Variants in OSBPL8 observed in about 807,000 individuals in gnomAD.
OSBPL8 encodes the protein oxysterol-binding protein-related protein 8.
In OSBPL8, 59 loss-of-function variants were observed where a neutral mutation model predicts 125.5. The observed-to-expected ratio is 0.47, with a 90% CI of 0.38 to 0.58. The LOEUF is 0.58. Among genes scored for constraint, OSBPL8 ranks in the 20% least tolerant of loss-of-function variants. The probability of loss-of-function intolerance (pLI) is 0.00; values close to 1 mark genes in which losing one functional copy is unlikely to be tolerated. For missense variants in OSBPL8, 758 were observed against 1,047.8 expected (o/e 0.72, Z 3.82); for synonymous variants, 330 against 338.9 (o/e 0.97, Z 0.29).
intron 1 of OSBPL8, among the ~76,000 whole-genome samples, chr12:76,528,647 A>G (rs1950246007): frequency 6.6e-6 from 1 of 152,038 alleles, no homozygotes; most frequent in African/African-American, 2.4e-5. Context: ...TCACAAGCCA[A>G]AGAAGATAAG....
intron 16 of OSBPL8, among the ~76,000 whole-genome samples, chr12:76,378,081 A>G (rs1952897845): frequency 6.6e-6 from 1 of 152,236 alleles, no homozygotes. Flanking sequence ...ATTAAAAAAT[A>G]GTAAATTAAA....
intron 1 of OSBPL8, among the ~76,000 whole-genome samples, chr12:76,508,391 A>T (rs1880637959): frequency 6.6e-6 from 1 of 152,180 alleles, no homozygotes; most frequent in Non-Finnish European, 1.5e-5. Flanking sequence ...TGGTCTCATT[A>T]AGATTTACTA....
intron 2 of OSBPL8, among the ~76,000 whole-genome samples, chr12:76,474,385 T>A (rs911290699): frequency 4.6e-5 from 7 of 152,026 alleles, no homozygotes; most frequent in African/African-American, 1.7e-4. Context: ...AGAGCAAGCT[T>A]GGGATGGGGG....
At chr12:76,441,225 T>C (rs1872145286) in intron 4 of OSBPL8, among the ~76,000 whole-genome samples, 1 of 152,084 alleles carries the variant, frequency 6.6e-6, no homozygotes, top group Admixed American at 6.6e-5. Context: ...ACTCGGAAAA[T>C]ACTGAATTCC....
rs1329490947 is a variant in OSBPL8 at position 76,351,840 on chromosome 12, G to T, written c.*4049C>A. 1 of 152,192 alleles carries T rather than the reference G, an allele frequency of 6.6e-6. No individual in the cohort carries two copies. Among genetic ancestry groups the T allele is most frequent in the African/African-American group, 2.4e-5 (1 of 41,448 alleles). 9.4% of individuals were successfully genotyped at this position (152,192 alleles called of 1,614,324 possible). On this transcript the variant is annotated 3_prime_UTR_variant, in exon 24 of 24. Transcript: ENST00000261183. ...TTTATTTAGAAGCCTACTTGTAGAA[G>T]TTAGCATAATTTTACAGATTATTAG... is the stretch of plus-strand genomic sequence containing the variant.
intron 12 of OSBPL8, 59 bp from the exon 13 acceptor site, chr12:76,386,719 A>T: frequency 8.3e-7 from 1 of 1,202,968 alleles, no homozygotes; most frequent in Non-Finnish European, 1.2e-6. Context: ...TCTCTCTCAC[A>T]TTTATTAACC....
In OSBPL8 at chr12:76,491,325, CCTCT is replaced by C. The variant is rs199839249; in HGVS notation, c.-67-3711_-67-3708del. 5.9e-3 allele frequency among the ~76,000 whole-genome samples: 893 copies of C among 152,262 alleles called. 4 individuals carry two copies. The highest frequency in any genetic ancestry group is 0.019 in the African/African-American group (795 of 41,538). On this transcript the variant is annotated intron_variant, in intron 1 of 23. Coordinates refer to ENST00000261183, the MANE Select transcript of OSBPL8 (RefSeq NM_020841.5). ...ATAAATATTCAGAGGTCTCGGATAA[CCTCT>C]CTAACAATTATTCCTTCAAACAGAT...
intron 19 of OSBPL8, among the ~76,000 whole-genome samples, chr12:76,371,020 G>A (rs1403478322): frequency 6.6e-6 from 1 of 152,092 alleles, no homozygotes; most frequent in Admixed American, 6.6e-5. Context: ...TCCTATAGAA[G>A]CCAGTCCATC....
intron 1 of OSBPL8, among the ~76,000 whole-genome samples, chr12:76,497,342 A>G (rs1219411076): frequency 6.6e-6 from 1 of 152,226 alleles, no homozygotes; most frequent in Non-Finnish European, 1.5e-5. Flanking sequence ...TGAGTCTGAT[A>G]AACTGTATTT....
At chr12:76,483,753 C>A (rs890208868) in intron 2 of OSBPL8, among the ~76,000 whole-genome samples, 1 of 133,470 alleles carries the variant, frequency 7.5e-6, no homozygotes, top group African/African-American at 2.8e-5. Flanking sequence ...CAGCTCACTG[C>A]AACTTCAGCC....
intron 4 of OSBPL8, among the ~76,000 whole-genome samples, chr12:76,428,213 C>T (rs1870387925): frequency 6.6e-6 from 1 of 151,886 alleles, no homozygotes; most frequent in South Asian, 2.1e-4. Flanking sequence ...AAATGGTAGA[C>T]AAACAGAGGC....
chr12:76,419,222 C>A (rs1353441731), intron 4 of OSBPL8, among the ~76,000 whole-genome samples: 1 of 151,696 alleles, frequency 6.6e-6, no homozygotes, highest in African/African-American at 2.4e-5. Context: ...GGAGACAGAG[C>A]GAGACTCCAT....
chr12:76,516,801 C>T (rs574755956), intron 1 of OSBPL8, among the ~76,000 whole-genome samples: 34 of 149,914 alleles, frequency 2.3e-4, no homozygotes, highest in Non-Finnish European at 4.4e-4. Context: ...CCATTTCTTT[C>T]CTTTTCTTTT....
At chr12:76,440,248 G>C (rs1020972479) in intron 4 of OSBPL8, among the ~76,000 whole-genome samples, 17 of 152,080 alleles carry the variant, frequency 1.1e-4, no homozygotes, top group Non-Finnish European at 2.5e-4. Context: ...CAGCTGCACA[G>C]TAGGTACCTC....
intron 3 of OSBPL8, among the ~76,000 whole-genome samples, chr12:76,452,868 T>C (rs1310013647): frequency 6.6e-6 from 1 of 152,200 alleles, no homozygotes; most frequent in Non-Finnish European, 1.5e-5. Flanking sequence ...GGAATATTCC[T>C]ACCCCAGATC....
intron 1 of OSBPL8, 77 bp from the exon 2 acceptor site, chr12:76,487,695 A>G: frequency 1.9e-6 from 1 of 520,072 alleles, no homozygotes; most frequent in African/African-American, 2.0e-5. Flanking sequence ...AGTTTGTTAG[A>G]AGGGAAAAAT....
chr12:76,452,130 C>T (rs937453139), intron 3 of OSBPL8, among the ~76,000 whole-genome samples: 5 of 151,922 alleles, frequency 3.3e-5, no homozygotes, highest in African/African-American at 7.2e-5. Flanking sequence ...AAAAAAAAGA[C>T]GGTTTAGTCT....
intron 1 of OSBPL8, among the ~76,000 whole-genome samples, chr12:76,552,157 G>A (rs895520434): frequency 3.9e-5 from 6 of 152,054 alleles, no homozygotes; most frequent in Non-Finnish European, 8.8e-5. Context: ...AGGCACAGTG[G>A]CTCACACCTG....
At position 76,405,495 on chromosome 12, in the gene OSBPL8, T is replaced by C. The variant is rs548441921; in HGVS notation, c.289-2729A>G. Among the ~76,000 whole-genome samples, 4 of 152,210 alleles carry C rather than the reference T, an allele frequency of 2.6e-5. No individual in the cohort carries two copies. The East Asian group carries it at 5.8e-4, about 22-fold the overall frequency. On this transcript the variant is annotated intron_variant, in intron 5 of 23. Coordinates refer to ENST00000261183, the MANE Select transcript of OSBPL8 (RefSeq NM_020841.5). ...AATTTGTTTCCCTAACAATTCTATATGATAAGCTCTAGCGTGGTTATTCCT... is the reference window on the plus strand; with the variant it reads ...AATTTGTTTCCCTAACAATTCTATACGATAAGCTCTAGCGTGGTTATTCCT...
Sources: allele counts gnomAD v4.1 joint callset (sites outside exome capture counted in the v4.1 genomes callset), GRCh38; gene constraint gnomAD v4.1.1; transcripts MANE v1.5; gene names NCBI Gene and HGNC (gene_info 2026-07-23, HGNC 2026-07-21).